EYA3: variants seen among roughly 807,000 people sequenced by gnomAD.
EYA3 encodes the protein protein phosphatase EYA3.
A neutral mutation model predicts 80.0 loss-of-function variants in EYA3; 39 were observed. The observed-to-expected ratio is 0.49, with a 90% CI of 0.38 to 0.64. The LOEUF is 0.64. EYA3 is among the 30% of genes least tolerant of loss of function. The pLI is 0.00. For synonymous variants in EYA3, 206 were observed against 232.8 expected, an observed-to-expected ratio of 0.88 and a Z score of 1.05; for missense variants, 523 against 676.1, an observed-to-expected ratio of 0.77 and a Z score of 2.51.
rs139349982 is a variant in EYA3 at position 28,026,788 on chromosome 1, GA to G, written c.499+1000del. Among the ~76,000 whole-genome samples, 1,382 of 151,952 alleles carry G rather than the reference GA, an allele frequency of 9.1e-3. 10 individuals carry two copies. Among genetic ancestry groups the G allele is most frequent in the African/African-American group, 0.017 (687 of 41,482 alleles). ...AAAAAAAAAAGAAGAGGAAACAAGT[GA>G]AGAAAAGAGGAGACTTGGTAAACAA... On this transcript the variant is annotated intron_variant, in intron 7 of 17. Transcript: ENST00000373871.
chr1:28,027,810 G>A lies in EYA3; in HGVS notation c.478C>T (p.His160Tyr), dbSNP rs2148826619. Residue 160 changes from histidine (H) to tyrosine (Y), a missense_variant, in exon 7 of 18, where the codon CAT becomes TAT. His to Tyr is a moderately conservative substitution (Grantham distance 83, BLOSUM62 2). Transcript: ENST00000373871. ...GLTTSQPSPA[H>Y]YSYPIQASST... The stretch of plus-strand genomic sequence containing the variant: ...TTACCTTGAATGGGATAAGAATAAT[G>A]TGCTGGGCTTGGCTGGCTTGTGGTT... The A allele has an allele frequency of 6.2e-7, 1 of 1,614,176 alleles. No homozygotes were observed. Among genetic ancestry groups the A allele is most frequent in the Admixed American group, 1.7e-5 (1 of 60,020 alleles).
At chr1:27,978,229 C>T (rs1639071167) in intron 17 of EYA3, 145 bp downstream of exon 17, 1 of 585,862 alleles carries the variant, frequency 1.7e-6, no homozygotes, top group Non-Finnish European at 2.9e-6. Context: ...AAAAAAGACC[C>T]TCTTTTTCTT....
rs1453221963 is a variant in EYA3 at position 27,974,377 on chromosome 1, C to G, written c.*89G>C. Reference sequence around the variant, plus strand: ...ATAGAGACAGAGACACAGAGAGAGACAGACAGAGAAAGTTCTCAGTTGGTT... The same window carrying G: ...ATAGAGACAGAGACACAGAGAGAGAGAGACAGAGAAAGTTCTCAGTTGGTT... On this transcript the variant is annotated 3_prime_UTR_variant, in exon 18 of 18. Transcript: ENST00000373871. 4.5e-6 allele frequency: 4 copies of G among 883,924 alleles called. No homozygotes were observed. In the South Asian group the frequency reaches 4.7e-5, roughly 10 times the overall value. 54.8% of individuals were successfully genotyped at this position (883,924 alleles called of 1,614,324 possible).
At chr1:28,048,524 T>G (rs1392675825) in intron 2 of EYA3, 98 bp from the exon 3 acceptor site, 6 of 772,980 alleles carry the variant, frequency 7.8e-6, no homozygotes, top group Non-Finnish European at 1.2e-5. Flanking sequence ...ACAGGATAAC[T>G]GTTTAATTTT....
chr1:28,001,661 C>T (rs1456861631), intron 11 of EYA3, among the ~76,000 whole-genome samples: 1 of 147,110 alleles, frequency 6.8e-6, no homozygotes, highest in African/African-American at 2.5e-5. Flanking sequence ...ATAGCGTGAA[C>T]CTGGGAGGTG....
chr1:28,076,356 AATATATAC>A (rs1645198851), intron 1 of EYA3, among the ~76,000 whole-genome samples: 3 of 152,346 alleles, frequency 2.0e-5, no homozygotes, highest in African/African-American at 7.2e-5. Context: ...TGCTTTTTAA[AATATATAC>A]ATATATTTAG....
chr1:27,990,140 TG>T (rs1165940216), intron 14 of EYA3: 1 of 158,204 alleles, frequency 6.3e-6, no homozygotes, highest in Non-Finnish European at 1.4e-5. Context: ...AGAAATTGCT[TG>T]GAAGATTATC....
chr1:27,983,365 C>T (rs1320054172), intron 16 of EYA3, among the ~76,000 whole-genome samples: 2 of 152,166 alleles, frequency 1.3e-5, no homozygotes, highest in South Asian at 2.1e-4. Context: ...TAGACATTAA[C>T]GTTCTCCAAA....
chr1:28,055,574 G>A (rs551873242), intron 2 of EYA3, among the ~76,000 whole-genome samples: 63 of 149,094 alleles, frequency 4.2e-4, no homozygotes, highest in Non-Finnish European at 6.2e-4. Flanking sequence ...GGGTTCAAGC[G>A]ATTCTCCTGC....
At chr1:28,051,049 A>T (rs1296298890) in intron 2 of EYA3, among the ~76,000 whole-genome samples, 1 of 152,208 alleles carries the variant, frequency 6.6e-6, no homozygotes, top group Non-Finnish European at 1.5e-5. Context: ...TAACAAAACC[A>T]GTATAGATTA....
At chr1:28,001,446 T>C (rs570209475) in intron 11 of EYA3, among the ~76,000 whole-genome samples, 1 of 144,832 alleles carries the variant, frequency 6.9e-6, no homozygotes, top group Admixed American at 6.7e-5. Flanking sequence ...TGTGTATATG[T>C]AAATATATAA....
chr1:27,979,706 C>G (rs1224918945), intron 16 of EYA3, among the ~76,000 whole-genome samples: 1 of 152,198 alleles, frequency 6.6e-6, no homozygotes, highest in East Asian at 1.9e-4. Context: ...TCATCCTGCT[C>G]TATTAACCTT....
In EYA3 at chr1:28,058,095, CTG is replaced by C; in HGVS notation, c.-68-3_-68-2del. The stretch of plus-strand genomic sequence containing the variant: ...AGTCTCTCTCAGCAGTTTTCACAAT[CTG>C]TTTTTAAAAAGGAGGATTCAAAGCT... On this transcript the variant is annotated splice_acceptor_variant and splice_polypyrimidine_tract_variant and intron_variant, in intron 1 of 17. Transcript: ENST00000373871. LOFTEE classifies it low-confidence loss of function (5UTR_SPLICE). 7.5e-7 allele frequency: 1 copy of C among 1,331,054 alleles called. No homozygotes were observed. The highest frequency in any genetic ancestry group is 2.4e-5 in the East Asian group (1 of 42,012). The allele number at this position is 1,331,054 out of a possible 1,614,324, so 82.5% of individuals were successfully genotyped here.
chr1:28,021,212 CTTTATCA>C (rs1642413167), intron 7 of EYA3, among the ~76,000 whole-genome samples: 1 of 152,206 alleles, frequency 6.6e-6, no homozygotes, highest in Non-Finnish European at 1.5e-5. Flanking sequence ...CGGACAAGCT[CTTTATCA>C]TTTGAGGACT....
chr1:28,014,146 G>C (rs751522216), intron 8 of EYA3, among the ~76,000 whole-genome samples: 1 of 152,196 alleles, frequency 6.6e-6, no homozygotes, highest in Non-Finnish European at 1.5e-5. Context: ...GCCGGGAACA[G>C]TGGCTTACGC....
At chr1:27,985,985 A>C (rs1246781258) in intron 16 of EYA3, among the ~76,000 whole-genome samples, 1 of 152,078 alleles carries the variant, frequency 6.6e-6, no homozygotes, top group Non-Finnish European at 1.5e-5. Context: ...CAGGACTTAA[A>C]TCCTTGTCCT....
intron 17 of EYA3, 62 bp from the exon 18 acceptor site, chr1:27,974,608 G>T (rs1299286180): frequency 7.0e-7 from 1 of 1,432,034 alleles, no homozygotes; most frequent in Non-Finnish European, 9.8e-7. Context: ...ATAAATATTT[G>T]CCCATACTCT....
chr1:27,978,465 C>G lies in EYA3; in HGVS notation c.1550G>C (p.Ser517Thr), dbSNP rs144061325. The part of the protein sequence containing the change: ...IYSATKIGKE[S>T]CFERIVSRFG... Reference sequence around the variant, plus strand: ...CCTTGACACAATTCTCTCAAAGCAGCTCTCCTTACCTGATGAGAAAAAGAA... The same window carrying G: ...CCTTGACACAATTCTCTCAAAGCAGGTCTCCTTACCTGATGAGAAAAAGAA... The change falls in exon 17 of 18, where the codon AGC (serine) becomes ACC (threonine). Residue 517 changes from serine (S) to threonine (T), a missense_variant. Physicochemically the swap from Ser to Thr is moderately conservative, Grantham distance 58. Transcript: ENST00000373871. 3.5e-5 allele frequency: 57 copies of G among 1,613,798 alleles called. 1 individual carries two copies. The African/African-American group carries it at 5.2e-4, about 15-fold the overall frequency.
chr1:28,032,246 C>T (rs1195462156), intron 6 of EYA3: 2 of 152,112 alleles, frequency 1.3e-5, no homozygotes, highest in South Asian at 2.1e-4. Flanking sequence ...TTACATATTG[C>T]TTTTTTCAAT....
Sources: allele counts gnomAD v4.1 joint callset (sites outside exome capture counted in the v4.1 genomes callset), GRCh38; gene constraint gnomAD v4.1.1; transcripts MANE v1.5; gene names NCBI Gene and HGNC (gene_info 2026-07-23, HGNC 2026-07-21).